CTNNA2: variants seen among roughly 807,000 people sequenced by gnomAD.
The protein encoded by CTNNA2 is catenin alpha-2.
A neutral mutation model predicts 101.0 loss-of-function variants in CTNNA2; 42 were observed. The observed-to-expected ratio is 0.42, with a 90% CI of 0.32 to 0.54. The LOEUF is 0.54. CTNNA2 is among the 20% of genes least tolerant of loss of function. The pLI is 0.14. For missense variants in CTNNA2, 871 were observed against 1,223.1 expected (o/e 0.71, Z 4.29); for synonymous variants, 450 against 456.4 (o/e 0.99, Z 0.18).
chr2:80,085,720 G>T (rs927114886), intron 7 of CTNNA2, among the ~76,000 whole-genome samples: 2 of 151,886 alleles, frequency 1.3e-5, no homozygotes, highest in African/African-American at 2.4e-5. Flanking sequence ...CTATATTGAT[G>T]AGTTATGTTG....
chr2:79,817,149 T>C (rs2105362680), intron 3 of CTNNA2, among the ~76,000 whole-genome samples: 1 of 152,228 alleles, frequency 6.6e-6, no homozygotes, highest in East Asian at 1.9e-4. Context: ...ACTCGTCATT[T>C]AGCATTAGGT....
intron 7 of CTNNA2, among the ~76,000 whole-genome samples, chr2:80,253,133 G>C (rs1157621747): frequency 6.6e-6 from 1 of 152,002 alleles, no homozygotes; most frequent in Non-Finnish European, 1.5e-5. Flanking sequence ...CCCAAAACAA[G>C]TGGAAAAGTA....
In CTNNA2 at chr2:80,126,296, G is replaced by T. The variant is rs1013086901; in HGVS notation, c.1056+216499G>T. 2.5e-4 allele frequency among the ~76,000 whole-genome samples: 38 copies of T among 152,166 alleles called. No individual in the cohort carries two copies. The Middle Eastern group carries it at 0.01, about 41-fold the overall frequency. On this transcript the variant is annotated intron_variant, in intron 7 of 18. Transcript: ENST00000402739. ...GGGTGGATGGTTATAGACATAGAGG[G>T]TTTAAAATGACTGTTTTAAAGCACT...
At chr2:79,499,744 C>T (rs1313117092) in intron 4 of CTNNA2, among the ~76,000 whole-genome samples, 2 of 152,202 alleles carry the variant, frequency 1.3e-5, no homozygotes, top group Non-Finnish European at 2.9e-5. Context: ...TTTGCTACTG[C>T]ATAGGCCCAG....
intron 3 of CTNNA2, among the ~76,000 whole-genome samples, chr2:79,790,175 G>C (rs182859864): frequency 1.7e-4 from 26 of 152,250 alleles, no homozygotes; most frequent in Admixed American, 1.4e-3. Context: ...TGTAGAAGCA[G>C]AGCAGTAAGT....
At chr2:80,600,588 TGAA>T (rs757202533) in intron 15 of CTNNA2, among the ~76,000 whole-genome samples, 15 of 152,184 alleles carry the variant, frequency 9.9e-5, no homozygotes, top group Non-Finnish European at 2.1e-4. Flanking sequence ...CAATAAATGA[TGAA>T]GAGACTCAGT....
chr2:80,498,144 C>A (rs1327022588), intron 9 of CTNNA2, among the ~76,000 whole-genome samples: 1 of 152,138 alleles, frequency 6.6e-6, no homozygotes, highest in African/African-American at 2.4e-5. Context: ...ACCAAAAAAA[C>A]CACTCTGTGC....
At chr2:80,149,023 ATTTT>A (rs34431691) in intron 7 of CTNNA2, among the ~76,000 whole-genome samples, 9 of 124,818 alleles carry the variant, frequency 7.2e-5, no homozygotes, top group South Asian at 2.5e-4. Flanking sequence ...TTATTTTGTT[ATTTT>A]TTTTTTTTTT....
At chr2:79,648,334 A>G (rs1053641413) in intron 1 of CTNNA2, among the ~76,000 whole-genome samples, 1 of 152,144 alleles carries the variant, frequency 6.6e-6, no homozygotes, top group Non-Finnish European at 1.5e-5. Flanking sequence ...ATTTGTTCAT[A>G]CTAGAACTCT....
In CTNNA2 at chr2:80,138,571, G is replaced by C. The variant is rs115572725; in HGVS notation, c.1056+228774G>C. Among the ~76,000 whole-genome samples the C allele has an allele frequency of 4.2e-3, 644 of 152,134 alleles. 5 individuals are homozygous for C. The highest frequency in any genetic ancestry group is 0.015 in the African/African-American group (613 of 41,502). ...AACAGGTATCATGTGCTTTTTGTGG[G>C]CATCTTCCCAAGTACCCATCACAAC... On this transcript the variant is annotated intron_variant, in intron 7 of 18. Coordinates refer to ENST00000402739, the MANE Select transcript of CTNNA2 (RefSeq NM_001282597.3).
chr2:79,657,916 G>A (rs905439553), intron 2 of CTNNA2, among the ~76,000 whole-genome samples: 2 of 151,622 alleles, frequency 1.3e-5, no homozygotes, highest in African/African-American at 4.8e-5. Flanking sequence ...TTAAAATAAT[G>A]TACCACGTAA....
At chr2:80,345,272 G>A (rs934627804) in intron 7 of CTNNA2, among the ~76,000 whole-genome samples, 3 of 152,090 alleles carry the variant, frequency 2.0e-5, no homozygotes, top group African/African-American at 4.8e-5. Context: ...TGGCACACTA[G>A]CCCCATTGCC....
intron 7 of CTNNA2, among the ~76,000 whole-genome samples, chr2:79,952,570 A>C (rs898486240): frequency 6.6e-6 from 1 of 152,236 alleles, no homozygotes; most frequent in African/African-American, 2.4e-5. Context: ...TATGAAAGAC[A>C]TTTTGAAAAT....
intron 7 of CTNNA2, among the ~76,000 whole-genome samples, chr2:80,341,067 C>T (rs1319505281): frequency 6.6e-6 from 1 of 152,146 alleles, no homozygotes; most frequent in Non-Finnish European, 1.5e-5. Flanking sequence ...ACAGGATCTT[C>T]TGTCTCTGTG....
intron 3 of CTNNA2, among the ~76,000 whole-genome samples, chr2:79,824,849 T>G (rs17017970): frequency 6.6e-6 from 1 of 152,162 alleles, no homozygotes; most frequent in African/African-American, 2.4e-5. Context: ...GTTTTCAAAT[T>G]CCTCAACATT....
intron 4 of CTNNA2, among the ~76,000 whole-genome samples, chr2:79,457,219 AAAAG>A (rs1048702309): frequency 4.0e-5 from 6 of 151,254 alleles, no homozygotes; most frequent in African/African-American, 1.5e-4. Context: ...AAAAAAAAGA[AAAAG>A]AAAATTAGAA....
At chr2:80,486,664 T>C (rs1686608620) in intron 9 of CTNNA2, among the ~76,000 whole-genome samples, 1 of 152,204 alleles carries the variant, frequency 6.6e-6, no homozygotes, top group Non-Finnish European at 1.5e-5. Flanking sequence ...TATTTTGGAA[T>C]CAGTTTTTTC....
chr2:79,822,230 G>A (rs1678070467), intron 3 of CTNNA2, among the ~76,000 whole-genome samples: 3 of 151,108 alleles, frequency 2.0e-5, no homozygotes, highest in East Asian at 1.9e-4. Flanking sequence ...AAAGAAAATC[G>A]ATGTTTAAGG....
rs530129779 is a variant in CTNNA2 at position 79,778,223 on chromosome 2, C to G, written c.298+33641C>G. On this transcript the variant is annotated intron_variant, in intron 3 of 18. Transcript: ENST00000402739. ...TAACCGAGTATGGTGGCACATGCCTCCAGTCCCAGCTACTTGGGAGGCTGA... is the reference window on the plus strand; with the variant it reads ...TAACCGAGTATGGTGGCACATGCCTGCAGTCCCAGCTACTTGGGAGGCTGA... Among the ~76,000 whole-genome samples, 4 of 149,590 alleles carry G rather than the reference C, an allele frequency of 2.7e-5. No individual in the cohort carries two copies. In the South Asian group the frequency reaches 8.6e-4, roughly 32 times the overall value.
Sources: gnomAD v4.1 joint callset for allele counts (sites outside exome capture counted in the v4.1 genomes callset) on GRCh38, gnomAD v4.1.1 for gene constraint, MANE v1.5 for transcripts, NCBI Gene and HGNC (gene_info 2026-07-23, HGNC 2026-07-21) for gene names.